The following GATAD2A variants were observed in gnomAD, a reference collection of about 807,000 sequenced individuals.
The protein encoded by GATAD2A is GATA zinc finger domain containing 2A.
GATAD2A carries 12 observed loss-of-function variants against 68.5 expected under a neutral mutation model. The observed-to-expected ratio is 0.18, with a 90% CI of 0.11 to 0.28. The LOEUF (loss-of-function observed/expected upper bound fraction) is 0.28. Ranked by LOEUF, GATAD2A falls within the 10% of genes least tolerant of loss-of-function variation. The pLI, the probability that GATAD2A is intolerant of heterozygous loss-of-function variation, is 1.00. For synonymous variants in GATAD2A, 410 were observed against 375.3 expected (o/e 1.09, Z -1.07); for missense variants, 755 against 868.5 (o/e 0.87, Z 1.64).
upstream of GATAD2A, among the ~76,000 whole-genome samples, chr19:19,405,279 C>A (rs1568700233): frequency 6.6e-6 from 1 of 152,246 alleles, no homozygotes; most frequent in Admixed American, 6.5e-5. Context: ...AGAAGAGCTT[C>A]CGCGTGACGA....
intron 7 of GATAD2A, among the ~76,000 whole-genome samples, chr19:19,498,239 C>T (rs2060280038): frequency 6.6e-6 from 1 of 152,232 alleles, no homozygotes; most frequent in Admixed American, 6.5e-5. Context: ...CAGCCACTAC[C>T]TAGGGTGGTG....
chr19:19,456,488 A>C (rs1162159211), intron 1 of GATAD2A, among the ~76,000 whole-genome samples: 1 of 152,162 alleles, frequency 6.6e-6, no homozygotes, highest in African/African-American at 2.4e-5. Context: ...CCATATATCC[A>C]CATGTGTCAT....
At chr19:19,390,678 A>G (rs1003843007) in intron 1 of GATAD2A, among the ~76,000 whole-genome samples, 1 of 152,198 alleles carries the variant, frequency 6.6e-6, no homozygotes, top group Admixed American at 6.5e-5. Context: ...GAAGATTATA[A>G]TGGACTTGAA....
chr19:19,426,503 CT>C (rs1318098725), intron 1 of GATAD2A, among the ~76,000 whole-genome samples: 2 of 152,042 alleles, frequency 1.3e-5, no homozygotes, highest in African/African-American at 4.8e-5. Context: ...GTTTCCAGTG[CT>C]TTTTAATTTA....
chr19:19,430,947 C>T (rs891526901), intron 1 of GATAD2A, among the ~76,000 whole-genome samples: 2 of 146,948 alleles, frequency 1.4e-5, no homozygotes, highest in African/African-American at 2.6e-5. Flanking sequence ...TTTGAGAAGT[C>T]CTTGTGTTTG....
At chr19:19,407,218 C>G (rs1289422710) in intron 1 of GATAD2A, among the ~76,000 whole-genome samples, 1 of 152,152 alleles carries the variant, frequency 6.6e-6, no homozygotes, top group Non-Finnish European at 1.5e-5. Flanking sequence ...TTCTGGTAGT[C>G]GTTACAAGTT....
chr19:19,405,292 C>T (rs768631193), upstream of GATAD2A, among the ~76,000 whole-genome samples: 4 of 152,220 alleles, frequency 2.6e-5, no homozygotes, highest in Non-Finnish European at 5.9e-5. Flanking sequence ...CGTGACGACC[C>T]CGCGGGGGTG....
chr19:19,448,275 C>T lies in GATAD2A; in HGVS notation c.-6-17065C>T, dbSNP rs139819468. ...ACAGGCGGCACCTTTGTTTCTATGTCGTGTGTTCCTTGGGCAGCGTCTGTT... is the reference window on the plus strand; with the variant it reads ...ACAGGCGGCACCTTTGTTTCTATGTTGTGTGTTCCTTGGGCAGCGTCTGTT... On this transcript the variant is annotated intron_variant, in intron 1 of 11. Coordinates refer to ENST00000683918, the MANE Select transcript of GATAD2A (RefSeq NM_001384528.1). Among the ~76,000 whole-genome samples, 479 of 152,354 alleles carry T rather than the reference C, an allele frequency of 3.1e-3. 4 individuals carry two copies. Among genetic ancestry groups the T allele is most frequent in the African/African-American group, 0.01 (417 of 41,592 alleles).
chr19:19,488,947 T>A (rs1292295093), intron 2 of GATAD2A, among the ~76,000 whole-genome samples: 1 of 152,184 alleles, frequency 6.6e-6, no homozygotes, highest in Non-Finnish European at 1.5e-5. Context: ...CACGATGCCA[T>A]CCCTCTCAGC....
At chr19:19,401,212 C>CTT (rs1187049852), upstream of GATAD2A, among the ~76,000 whole-genome samples, 3,140 of 91,820 alleles carry the variant, frequency 0.034, 245 homozygotes, top group African/African-American at 0.1. Context: ...AAAAACTTGG[C>CTT]TTTTTTTTTT....
chr19:19,397,272 C>T (rs371456583), intron 1 of GATAD2A, among the ~76,000 whole-genome samples: 1 of 151,580 alleles, frequency 6.6e-6, no homozygotes, highest in African/African-American at 2.4e-5. Context: ...GACGGAGTTT[C>T]GCTCTTGTTG....
chr19:19,496,066 T>C lies in GATAD2A; in HGVS notation c.771T>C (p.Ile257=). The C allele has an allele frequency of 6.2e-7, 1 of 1,613,866 alleles. No homozygotes were observed. Among genetic ancestry groups the C allele is most frequent in the Non-Finnish European group, 8.5e-7 (1 of 1,179,912 alleles). ...LVRGAQQIHS[I]RQHSSTGPPP... ...TACCCCAACAGCAAATCCACAGCATTAGGCAACATTCCAGCACAGGGCCAC... is the reference window on the plus strand; with the variant it reads ...TACCCCAACAGCAAATCCACAGCATCAGGCAACATTCCAGCACAGGGCCAC... Residue 257 remains isoleucine (I), a synonymous_variant, in exon 7 of 12, where the codon ATT becomes ATC. Transcript: ENST00000683918.
chr19:19,449,409 C>A (rs2056122045), intron 1 of GATAD2A, among the ~76,000 whole-genome samples: 1 of 152,142 alleles, frequency 6.6e-6, no homozygotes, highest in African/African-American at 2.4e-5. Context: ...CAGGCGGTTT[C>A]AAACTCCTGG....
At chr19:19,470,057 A>G (rs191357838) in intron 2 of GATAD2A, among the ~76,000 whole-genome samples, 33 of 152,264 alleles carry the variant, frequency 2.2e-4, no homozygotes, top group Admixed American at 2.0e-3. Context: ...ACCATAAGTA[A>G]CCGCTTGAGA....
chr19:19,419,180 G>A (rs2052025688), intron 1 of GATAD2A, among the ~76,000 whole-genome samples: 1 of 152,222 alleles, frequency 6.6e-6, no homozygotes, highest in South Asian at 2.1e-4. Flanking sequence ...CACACTCCCT[G>A]TCGAGGGACC....
chr19:19,478,367 G>A (rs536847950), intron 2 of GATAD2A, among the ~76,000 whole-genome samples: 47 of 152,256 alleles, frequency 3.1e-4, no homozygotes, highest in Admixed American at 1.0e-3. Context: ...TTGGGAGGCC[G>A]AGGTGGGCAG....
intron 5 of GATAD2A, among the ~76,000 whole-genome samples, chr19:19,494,693 C>G (rs1372923623): frequency 6.6e-6 from 1 of 152,240 alleles, no homozygotes; most frequent in African/African-American, 2.4e-5. Flanking sequence ...CTCTTCCGGC[C>G]AGAGAGCCTC....
intron 1 of GATAD2A, among the ~76,000 whole-genome samples, chr19:19,397,898 G>T (rs182664150): frequency 2.4e-3 from 345 of 146,532 alleles, no homozygotes; most frequent in African/African-American, 7.0e-3. Flanking sequence ...ATTTTATTTA[G>T]TTAGTTAGTT....
At chr19:19,430,976 GGTGT>G (rs71170687) in intron 1 of GATAD2A, among the ~76,000 whole-genome samples, 4,235 of 136,682 alleles carry the variant, frequency 0.031, 91 homozygotes, top group African/African-American at 0.07. Flanking sequence ...GTATGGTAGG[GGTGT>G]GTGTGTGTGT....
Sources: allele counts gnomAD v4.1 joint callset (sites outside exome capture counted in the v4.1 genomes callset), GRCh38; gene constraint gnomAD v4.1.1; transcripts MANE v1.5; gene names NCBI Gene and HGNC (gene_info 2026-07-23, HGNC 2026-07-21).